Variants in ARSB observed in about 807,000 individuals in gnomAD.
ARSB encodes the protein N-acetylgalactosamine-4-sulfatase.
ARSB carries 41 observed loss-of-function variants against 50.9 expected under a neutral mutation model. The observed-to-expected ratio is 0.81, with a 90% confidence interval of 0.63 to 1.04. The LOEUF (loss-of-function observed/expected upper bound fraction) is 1.04. ARSB is among the 50% of genes least tolerant of loss of function. The probability of loss-of-function intolerance (pLI) is 0.00; values close to 1 mark genes in which losing one functional copy is unlikely to be tolerated. For synonymous variants in ARSB, 269 were observed against 284.8 expected, an observed-to-expected ratio of 0.94 and a Z score of 0.56; for missense variants, 672 against 693.3, an observed-to-expected ratio of 0.97 and a Z score of 0.35.
chr5:78,781,025 A>G (rs571125205), intron 7 of ARSB, among the ~76,000 whole-genome samples: 77 of 152,342 alleles, frequency 5.1e-4, no homozygotes, highest in Non-Finnish European at 7.9e-4. Flanking sequence ...GCAAACGCCA[A>G]AAATGTTCTC....
intron 6 of ARSB, chr5:78,817,092 T>A: frequency 2.0e-6 from 2 of 985,430 alleles, no homozygotes; most frequent in Non-Finnish European, 2.4e-6. Flanking sequence ...TCTGTAGCAG[T>A]ACCCTCCTTG....
chr5:78,814,650 G>A (rs1027375631), intron 6 of ARSB, among the ~76,000 whole-genome samples: 9 of 150,700 alleles, frequency 6.0e-5, no homozygotes, highest in Non-Finnish European at 1.0e-4. Flanking sequence ...AGCACCCACT[G>A]TTGGGTGTTG....
In ARSB at chr5:78,940,145, A is replaced by G. The variant is rs577687412; in HGVS notation, c.898+15150T>C. On this transcript the variant is annotated intron_variant, in intron 4 of 7. Coordinates refer to ENST00000264914, the MANE Select transcript of ARSB (RefSeq NM_000046.5). ...GATGGGGTTGTTTGTTTTTTCTTGT[A>G]AATTTGTTTGAGTTCATTGTAGATT... 1.2e-3 allele frequency among the ~76,000 whole-genome samples: 177 copies of G among 151,386 alleles called. 1 individual carries two copies. Among genetic ancestry groups the G allele is most frequent in the Admixed American group, 2.4e-3 (37 of 15,196 alleles).
At chr5:78,848,779 G>A (rs1003707100) in intron 5 of ARSB, among the ~76,000 whole-genome samples, 3 of 152,122 alleles carry the variant, frequency 2.0e-5, no homozygotes, top group African/African-American at 7.2e-5. Flanking sequence ...GTGTGAGACG[G>A]TATCTCATTG....
At chr5:78,965,715 G>A (rs1409096026) in intron 2 of ARSB, among the ~76,000 whole-genome samples, 1 of 152,106 alleles carries the variant, frequency 6.6e-6, no homozygotes, top group South Asian at 2.1e-4. Context: ...ACCTTAAAAT[G>A]AGGATGATAA....
intron 5 of ARSB, among the ~76,000 whole-genome samples, chr5:78,869,690 A>G (rs945374387): frequency 3.3e-5 from 5 of 150,280 alleles, no homozygotes; most frequent in Admixed American, 2.0e-4. Context: ...TTATAGCACT[A>G]AATGCCCACA....
chr5:78,815,451 T>C (rs1372324050), intron 6 of ARSB: 2 of 815,182 alleles, frequency 2.5e-6, no homozygotes, highest in East Asian at 1.3e-4. Context: ...CCCCTCTCTG[T>C]GCCAGAAAGT....
At chr5:78,924,918 C>G (rs1749977090) in intron 4 of ARSB, among the ~76,000 whole-genome samples, 1 of 152,168 alleles carries the variant, frequency 6.6e-6, no homozygotes, top group Admixed American at 6.5e-5. Context: ...TGTATATATA[C>G]ATGACAGGGA....
chr5:78,834,703 T>G (rs976789493), intron 6 of ARSB, among the ~76,000 whole-genome samples: 1 of 148,144 alleles, frequency 6.8e-6, no homozygotes, highest in Non-Finnish European at 1.5e-5. Context: ...CTACTACCTT[T>G]TGGCTGTTCT....
chr5:78,874,156 T>C (rs1747376140), intron 5 of ARSB, among the ~76,000 whole-genome samples: 1 of 152,200 alleles, frequency 6.6e-6, no homozygotes, highest in East Asian at 1.9e-4. Flanking sequence ...ATCAAGGTTG[T>C]AGAAAATGTT....
At chr5:78,961,310 T>TA (rs1751974196) in intron 3 of ARSB, among the ~76,000 whole-genome samples, 1 of 152,230 alleles carries the variant, frequency 6.6e-6, no homozygotes, top group East Asian at 1.9e-4. Context: ...TTAGCTGTCT[T>TA]AAACATTCTT....
At chr5:78,805,486 T>C (rs1213708855) in intron 6 of ARSB, among the ~76,000 whole-genome samples, 3 of 152,232 alleles carry the variant, frequency 2.0e-5, no homozygotes, top group Admixed American at 6.5e-5. Flanking sequence ...TTGTTTTTCC[T>C]TCTATCCACC....
chr5:78,870,475 T>A (rs890073248), intron 5 of ARSB, among the ~76,000 whole-genome samples: 7 of 143,892 alleles, frequency 4.9e-5, no homozygotes, highest in African/African-American at 1.8e-4. Flanking sequence ...CATGATCAAG[T>A]GGGCTTCATC....
At chr5:78,936,032 C>A (rs920011959) in intron 4 of ARSB, among the ~76,000 whole-genome samples, 5 of 122,226 alleles carry the variant, frequency 4.1e-5, no homozygotes, top group Non-Finnish European at 8.7e-5. Context: ...TCTCTCCCCC[C>A]CCACCTCCCT....
At chr5:78,969,423 T>C (rs1229941111) in intron 1 of ARSB, among the ~76,000 whole-genome samples, 2 of 152,222 alleles carry the variant, frequency 1.3e-5, no homozygotes, top group Non-Finnish European at 2.9e-5. Context: ...ACAGATATTT[T>C]CAATATTTAT....
chr5:78,898,906 A>G (rs558168149), intron 4 of ARSB, among the ~76,000 whole-genome samples: 2 of 152,326 alleles, frequency 1.3e-5, no homozygotes, highest in South Asian at 4.1e-4. Flanking sequence ...TGTAGGTTTT[A>G]TACTTTGAAA....
chr5:78,825,934 C>T (rs148892776), intron 6 of ARSB, among the ~76,000 whole-genome samples: 100 of 152,272 alleles, frequency 6.6e-4, no homozygotes, highest in African/African-American at 2.4e-3. Flanking sequence ...TTTCTTACGT[C>T]TCACTTTACA....
intron 4 of ARSB, among the ~76,000 whole-genome samples, chr5:78,889,533 A>G (rs1447854720): frequency 1.3e-5 from 2 of 152,234 alleles, no homozygotes; most frequent in Non-Finnish European, 2.9e-5. Context: ...GTTTTGGCAC[A>G]GGGAAAATCT....
chr5:78,945,066 A>T (rs1190958648), intron 4 of ARSB, among the ~76,000 whole-genome samples: 1 of 152,102 alleles, frequency 6.6e-6, no homozygotes, highest in Non-Finnish European at 1.5e-5. Flanking sequence ...TGGGCGTAGG[A>T]CCCTCTGAGC....
Sources: allele counts gnomAD v4.1 joint callset (sites outside exome capture counted in the v4.1 genomes callset), GRCh38; gene constraint gnomAD v4.1.1; transcripts MANE v1.5; gene names NCBI Gene and HGNC (gene_info 2026-07-23, HGNC 2026-07-21).